EHMT1: variants seen among roughly 807,000 people sequenced by gnomAD.
EHMT1 encodes histone-lysine N-methyltransferase EHMT1.
A neutral mutation model predicts 147.2 loss-of-function variants in EHMT1; 15 were observed. That is an observed-to-expected ratio of 0.10 (90% CI 0.07 to 0.16). EHMT1 has a LOEUF of 0.16. Among genes scored for constraint, EHMT1 ranks in the 10% least tolerant of loss-of-function variants. EHMT1 has a pLI of 1.00. For missense variants in EHMT1, 1,587 were observed against 1,772.4 expected (o/e 0.90, Z 1.88); for synonymous variants, 795 against 709.6 (o/e 1.12, Z -1.91).
chr9:137,784,068 C>T (rs762796153), intron 15 of EHMT1: 320 of 1,003,676 alleles, frequency 3.2e-4, no homozygotes, highest in Non-Finnish European at 3.6e-4. Flanking sequence ...TACTTGAGAC[C>T]GGGTCATTTA....
intron 16 of EHMT1, among the ~76,000 whole-genome samples, chr9:137,796,903 G>A (rs750860642): frequency 2.4e-4 from 37 of 152,072 alleles, no homozygotes; most frequent in Non-Finnish European, 2.6e-4. Flanking sequence ...AGAGCAGCAG[G>A]CAGGGTCCTT....
intron 19 of EHMT1, among the ~76,000 whole-genome samples, chr9:137,812,742 C>T (rs116145645): frequency 1.2e-4 from 18 of 152,330 alleles, no homozygotes; most frequent in African/African-American, 3.8e-4. Flanking sequence ...AATCAAATGC[C>T]GCCCTGGATT....
At chr9:137,774,446 C>T (rs1410745252) in intron 10 of EHMT1, among the ~76,000 whole-genome samples, 2 of 147,532 alleles carry the variant, frequency 1.4e-5, no homozygotes, top group Non-Finnish European at 3.0e-5. Flanking sequence ...ACGCCTGGCC[C>T]CCTGGATCTG....
rs1026084513 is a variant in EHMT1, at chr9:137,828,024, C to T, written c.3541-6325C>T. Among the ~76,000 whole-genome samples the T allele has an allele frequency of 4.6e-5, 7 of 152,196 alleles. No individual in the cohort carries two copies. Among genetic ancestry groups the T allele is most frequent in the African/African-American group, 1.7e-4 (7 of 41,448 alleles). On this transcript the variant is annotated intron_variant, in intron 25 of 26. Transcript: ENST00000460843. This position sits in a 1 kb window ranked among gnomAD's most constrained non-coding sequence, Gnocchi z 5.3. ...TGAAGGGGCTCCTTGTGCCAGCCGA[C>T]AGGGTGCGACGGGGTGGTCGGCCCG...
intron 1 of EHMT1, among the ~76,000 whole-genome samples, chr9:137,705,058 T>G (rs940028002): frequency 6.6e-6 from 1 of 151,544 alleles, no homozygotes; most frequent in Non-Finnish European, 1.5e-5. Context: ...TACAACCTTG[T>G]TTCAAGGAAA....
intron 15 of EHMT1, chr9:137,788,034 G>GT: frequency 1.4e-6 from 2 of 1,394,140 alleles, no homozygotes; most frequent in Non-Finnish European, 9.9e-7. Flanking sequence ...CGGGAAGAGG[G>GT]TTGAGGGCCT....
intron 9 of EHMT1, among the ~76,000 whole-genome samples, chr9:137,762,233 T>C (rs1949882084): frequency 6.6e-6 from 1 of 151,970 alleles, no homozygotes; most frequent in African/African-American, 2.4e-5. Context: ...AGATAATAGA[T>C]GAACCGTTAT....
chr9:137,744,169 G>C, intron 6 of EHMT1, 79 bp downstream of exon 6: 1 of 1,499,070 alleles, frequency 6.7e-7, no homozygotes. Flanking sequence ...TTAACAGTCT[G>C]GTCACTTCTA....
rs576984698 is a variant in EHMT1, at chr9:137,669,638, A to C, written c.22-41329A>C. On this transcript the variant is annotated intron_variant, in intron 1 of 26. Transcript: ENST00000460843. ...CTTCCCTGGCCCCTCCCCCACCTTC[A>C]CTTTTTGCTCTCTTCGGAGCATTCA... is the stretch of plus-strand genomic sequence containing the variant. Among the ~76,000 whole-genome samples, 17 of 148,926 alleles carry C rather than the reference A, an allele frequency of 1.1e-4. No individual in the cohort carries two copies. In the East Asian group the frequency reaches 3.4e-3, roughly 30 times the overall value.
intron 2 of EHMT1, among the ~76,000 whole-genome samples, chr9:137,711,873 G>A (rs1391312324): frequency 1.3e-5 from 2 of 152,214 alleles, no homozygotes; most frequent in African/African-American, 4.8e-5. Context: ...GGCTCTCCCA[G>A]CTGGAGCCTG....
intron 23 of EHMT1, chr9:137,816,973 A>C (rs1235677778): frequency 2.3e-5 from 5 of 214,612 alleles, no homozygotes; most frequent in Non-Finnish European, 2.8e-5. Context: ...CTGCCCAACC[A>C]CCTTCCCCCA....
intron 1 of EHMT1, among the ~76,000 whole-genome samples, chr9:137,700,649 C>T (rs573495269): frequency 2.4e-4 from 37 of 152,092 alleles, no homozygotes; most frequent in Non-Finnish European, 4.7e-4. Context: ...TGCACCCCTG[C>T]CATGCCACCC....
rs563116689 is a variant in EHMT1 at position 137,724,580 on chromosome 9, A to T, written c.643-3769A>T. ...GTACCTCGGCAAGAATTAGCCTCAC[A>T]TGGCTATTTTCTCTTCAGGTTTTGT... On this transcript the variant is annotated intron_variant, in intron 3 of 26. Coordinates refer to ENST00000460843, the MANE Select transcript of EHMT1 (RefSeq NM_024757.5). Among the ~76,000 whole-genome samples, 122 of 152,366 alleles carry T rather than the reference A, an allele frequency of 8.0e-4. 7 individuals carry two copies. In the South Asian group the frequency reaches 0.025, roughly 31 times the overall value.
intron 1 of EHMT1, among the ~76,000 whole-genome samples, chr9:137,621,685 G>C (rs575374200): frequency 1.3e-5 from 2 of 152,260 alleles, no homozygotes; most frequent in South Asian, 4.1e-4. Flanking sequence ...GGATTAGTTA[G>C]TAAATGGGGC....
intron 3 of EHMT1, among the ~76,000 whole-genome samples, chr9:137,723,470 G>A (rs1401766855): frequency 1.4e-5 from 2 of 141,098 alleles, no homozygotes; most frequent in East Asian, 4.4e-4. Flanking sequence ...TTCTGGGCCT[G>A]AGCCCGGGGT....
chr9:137,719,683 C>G (rs1369733903), intron 3 of EHMT1, among the ~76,000 whole-genome samples: 4 of 152,214 alleles, frequency 2.6e-5, no homozygotes, highest in Non-Finnish European at 5.9e-5. Flanking sequence ...ATGTCAGACC[C>G]AGGATGCTGA....
chr9:137,781,735 T>TGGACA (rs1445401780), intron 14 of EHMT1, among the ~76,000 whole-genome samples: 2 of 152,204 alleles, frequency 1.3e-5, no homozygotes, highest in African/African-American at 2.4e-5. Flanking sequence ...AGCCCTTTAC[T>TGGACA]GGACAGTACG....
At chr9:137,762,866 A>G (rs1237092175) in intron 10 of EHMT1, 46 bp downstream of exon 10, 5 of 1,611,212 alleles carry the variant, frequency 3.1e-6, no homozygotes, top group African/African-American at 1.3e-5. Context: ...GGAGTGAGTG[A>G]GAAAGCCCAG....
chr9:137,800,583 C>T, intron 17 of EHMT1: 2 of 477,778 alleles, frequency 4.2e-6, no homozygotes, highest in Non-Finnish European at 7.7e-6. Context: ...TTGGTGCGTC[C>T]CCAGTGAGTG....
Sources: gnomAD v4.1 joint callset for allele counts (sites outside exome capture counted in the v4.1 genomes callset) on GRCh38, gnomAD v4.1.1 for gene constraint, Gnocchi (gnomAD v3.1) non-coding constraint, MANE v1.5 for transcripts, NCBI Gene and HGNC (gene_info 2026-07-23, HGNC 2026-07-21) for gene names.